The following CNTNAP4 variants were observed in gnomAD, a reference collection of about 807,000 sequenced individuals.
The protein encoded by CNTNAP4 is contactin associated protein family member 4.
A neutral mutation model predicts 148.4 loss-of-function variants in CNTNAP4; 98 were observed. The ratio of observed to expected loss-of-function variants is 0.66; its 90% CI spans 0.56 to 0.78. The LOEUF (loss-of-function observed/expected upper bound fraction) is 0.78, where lower values mean the gene tolerates loss of function less well. CNTNAP4 is among the 30% of genes least tolerant of loss of function. CNTNAP4 has a pLI of 0.00. For missense variants in CNTNAP4, 1,935 were observed against 1,565.6 expected (o/e 1.24, Z -3.98); for synonymous variants, 730 against 565.1 (o/e 1.29, Z -4.14).
chr16:76,292,474 G>A (rs939454996), intron 1 of CNTNAP4, among the ~76,000 whole-genome samples: 4 of 152,094 alleles, frequency 2.6e-5, no homozygotes, highest in East Asian at 3.9e-4. Flanking sequence ...AGCCCTCAGC[G>A]GCATTACCAA....
At chr16:76,379,338 C>A (rs1441155405) in intron 3 of CNTNAP4, among the ~76,000 whole-genome samples, 1 of 152,166 alleles carries the variant, frequency 6.6e-6, no homozygotes, top group African/African-American at 2.4e-5. Flanking sequence ...TCCCTACAAT[C>A]TGGAGGTTAG....
At chr16:76,519,740 A>T (rs536790137) in intron 15 of CNTNAP4, among the ~76,000 whole-genome samples, 17 of 152,274 alleles carry the variant, frequency 1.1e-4, no homozygotes, top group African/African-American at 3.6e-4. Flanking sequence ...GACTCTGATA[A>T]TATATGGTTT....
chr16:76,526,635 T>C (rs75236751), intron 17 of CNTNAP4, among the ~76,000 whole-genome samples: 2,034 of 152,282 alleles, frequency 0.013, 48 homozygotes, highest in African/African-American at 0.047. Context: ...TGCTTCTTTG[T>C]AGTTCTTTGG....
intron 3 of CNTNAP4, among the ~76,000 whole-genome samples, chr16:76,382,932 G>T (rs2016135363): frequency 6.6e-6 from 1 of 152,106 alleles, no homozygotes. Flanking sequence ...AATTTCACTG[G>T]CCAAATGAAG....
At chr16:76,395,326 C>T (rs367823452) in intron 3 of CNTNAP4, among the ~76,000 whole-genome samples, 6 of 150,704 alleles carry the variant, frequency 4.0e-5, no homozygotes, top group Non-Finnish European at 5.9e-5. Flanking sequence ...AATGCAATGG[C>T]GCAATCTTGG....
chr16:76,464,859 G>T (rs537023220), intron 9 of CNTNAP4, among the ~76,000 whole-genome samples: 88 of 152,316 alleles, frequency 5.8e-4, no homozygotes, highest in Non-Finnish European at 1.5e-4. Context: ...CTGTATTGTG[G>T]TGGTACATTC....
intron 1 of CNTNAP4, among the ~76,000 whole-genome samples, chr16:76,312,262 T>A (rs1470097171): frequency 6.6e-6 from 1 of 152,176 alleles, no homozygotes; most frequent in Non-Finnish European, 1.5e-5. Flanking sequence ...CTCTCTTAGT[T>A]GTGATGACAA....
chr16:76,355,559 C>G (rs2012491730), intron 3 of CNTNAP4, 48 bp downstream of exon 3: 2 of 1,417,242 alleles, frequency 1.4e-6, no homozygotes, highest in African/African-American at 2.9e-5. Flanking sequence ...AAAGTATAAT[C>G]AGTACTGCAT....
chr16:76,335,843 C>T (rs756559432), intron 2 of CNTNAP4, among the ~76,000 whole-genome samples: 5 of 152,130 alleles, frequency 3.3e-5, no homozygotes, highest in Non-Finnish European at 7.4e-5. Context: ...GGCAAGGTCT[C>T]ACACCTGGGA....
At chr16:76,396,116 C>G (rs559962152) in intron 3 of CNTNAP4, among the ~76,000 whole-genome samples, 1 of 152,156 alleles carries the variant, frequency 6.6e-6, no homozygotes, top group South Asian at 2.1e-4. Context: ...AACTAAAACA[C>G]AGATATTTAT....
At chr16:76,486,431 A>G (rs1033600931) in intron 12 of CNTNAP4, among the ~76,000 whole-genome samples, 10 of 152,194 alleles carry the variant, frequency 6.6e-5, no homozygotes, top group Admixed American at 6.5e-4. Context: ...TACGGAGGCA[A>G]CACTGGATTC....
At chr16:76,427,717 A>T in intron 4 of CNTNAP4, 118 bp downstream of exon 4, 1 of 954,018 alleles carries the variant, frequency 1.0e-6, no homozygotes, top group Non-Finnish European at 1.5e-6. Context: ...AATAGGAATA[A>T]TTTTTGTGGA....
chr16:76,556,014 T>A (rs2085182721), intron 23 of CNTNAP4, among the ~76,000 whole-genome samples: 1 of 152,184 alleles, frequency 6.6e-6, no homozygotes, highest in Admixed American at 6.5e-5. Flanking sequence ...GGTAGAATCC[T>A]TTGTTCATTG....
At chr16:76,367,046 T>A (rs1282517999) in intron 3 of CNTNAP4, among the ~76,000 whole-genome samples, 1 of 151,666 alleles carries the variant, frequency 6.6e-6, no homozygotes, top group East Asian at 1.9e-4. Flanking sequence ...TTACAAAAAA[T>A]TTATTAATAT....
rs187147192 is a variant in CNTNAP4 at position 76,379,434 on chromosome 16, A to G, written c.390+23923A>G. Among the ~76,000 whole-genome samples, 358 of 151,456 alleles carry G rather than the reference A, an allele frequency of 2.4e-3. 1 individual carries two copies. Among genetic ancestry groups the G allele is most frequent in the African/African-American group, 8.4e-3 (343 of 40,872 alleles). ...TTTGTCAAATATATTTTCTCGTTTA[A>G]ACTTTGTTTGGGGTTTAGAGTTGAT... On this transcript the variant is annotated intron_variant, in intron 3 of 23. Coordinates refer to ENST00000611870, the MANE Select transcript of CNTNAP4 (RefSeq NM_033401.5).
At chr16:76,373,294 G>T (rs896353328) in intron 3 of CNTNAP4, among the ~76,000 whole-genome samples, 38 of 150,988 alleles carry the variant, frequency 2.5e-4, no homozygotes, top group Admixed American at 2.5e-3. Flanking sequence ...ATAAATATGT[G>T]AAATATATTC....
intron 2 of CNTNAP4, among the ~76,000 whole-genome samples, chr16:76,334,641 A>G (rs990556552): frequency 6.6e-6 from 1 of 152,172 alleles, no homozygotes; most frequent in African/African-American, 2.4e-5. Flanking sequence ...TGTATTTCTA[A>G]TAGCAAAAAC....
At chr16:76,393,960 C>T (rs369518428) in intron 3 of CNTNAP4, among the ~76,000 whole-genome samples, 5 of 152,262 alleles carry the variant, frequency 3.3e-5, no homozygotes, top group South Asian at 2.1e-4. Context: ...AGACTGTGAA[C>T]GCTTTTGTGT....
At chr16:76,453,940 C>T (rs2080621262) in intron 8 of CNTNAP4, among the ~76,000 whole-genome samples, 3 of 151,252 alleles carry the variant, frequency 2.0e-5, no homozygotes, top group African/African-American at 4.9e-5. Context: ...ATTAATAGGC[C>T]CTGAAAATGA....
Sources: allele counts gnomAD v4.1 joint callset (sites outside exome capture counted in the v4.1 genomes callset), GRCh38; gene constraint gnomAD v4.1.1; transcripts MANE v1.5; gene names NCBI Gene and HGNC (gene_info 2026-07-23, HGNC 2026-07-21).